The following CILK1 variants were observed in gnomAD, a reference collection of about 807,000 sequenced individuals.
CILK1 encodes the protein ciliogenesis associated kinase 1.
CILK1 carries 47 observed loss-of-function variants against 79.2 expected under a neutral mutation model. The ratio of observed to expected loss-of-function variants is 0.59; its 90% CI spans 0.47 to 0.76. The LOEUF is 0.76. Ranked by LOEUF, CILK1 falls within the 30% of genes least tolerant of loss-of-function variation. The pLI is 0.00. For synonymous variants in CILK1, 266 were observed against 275.9 expected (o/e 0.96, Z 0.36); for missense variants, 660 against 769.5 (o/e 0.86, Z 1.68).
chr6:53,056,619 C>G (rs567885350), intron 1 of CILK1, among the ~76,000 whole-genome samples: 1 of 152,328 alleles, frequency 6.6e-6, no homozygotes, highest in South Asian at 2.1e-4. Context: ...GGGCTACATA[C>G]AAGCTGTGTT....
intron 1 of CILK1, among the ~76,000 whole-genome samples, chr6:53,045,676 T>C (rs971279771): frequency 6.6e-6 from 1 of 151,968 alleles, no homozygotes; most frequent in African/African-American, 2.4e-5. Flanking sequence ...AATGGGTTTA[T>C]AGGGATGTAA....
At chr6:53,037,397 C>T (rs1331232240) in intron 3 of CILK1, among the ~76,000 whole-genome samples, 1 of 152,124 alleles carries the variant, frequency 6.6e-6, no homozygotes, top group Non-Finnish European at 1.5e-5. Context: ...AAAGAAGGAC[C>T]TCAGCAAGGA....
chr6:53,026,896 T>C (rs1307495465), intron 5 of CILK1, among the ~76,000 whole-genome samples: 1 of 152,212 alleles, frequency 6.6e-6, no homozygotes, highest in Non-Finnish European at 1.5e-5. Context: ...GGGATTTTCT[T>C]TCATCCTGGC....
chr6:53,041,055 C>T lies in CILK1; in HGVS notation c.101+81G>A, dbSNP rs1186589991. Reference sequence around the variant, plus strand: ...GGTTCTTCTCTAGGCATCCTACCCACTCCCCTTTAGAACTGTTACAAAGAC... The same window carrying T: ...GGTTCTTCTCTAGGCATCCTACCCATTCCCCTTTAGAACTGTTACAAAGAC... On this transcript the variant is annotated intron_variant, in intron 2 of 13. Transcript: ENST00000676107. 19 of 937,708 alleles carry T rather than the reference C, an allele frequency of 2.0e-5. No homozygotes were observed. In the Admixed American group the frequency reaches 2.5e-4, roughly 13 times the overall value. The allele number at this position is 937,708 out of a possible 1,614,324, so 58.1% of individuals were successfully genotyped here.
In CILK1 at chr6:53,016,259, A is replaced by G. The variant is rs1258856137; in HGVS notation, c.664-9T>C. On this transcript the variant is annotated splice_polypyrimidine_tract_variant and intron_variant, in intron 7 of 13. Coordinates refer to ENST00000676107, the MANE Select transcript of CILK1 (RefSeq NM_014920.5). ...CCTTCAGGCCAGTCAGTCTGAAAGAAGGAAAAGATAGAAAATCTTGCTCAG... is the reference window on the plus strand; with the variant it reads ...CCTTCAGGCCAGTCAGTCTGAAAGAGGGAAAAGATAGAAAATCTTGCTCAG... 1.2e-6 allele frequency: 2 copies of G among 1,613,846 alleles called. No individual in the cohort carries two copies. The highest frequency in any genetic ancestry group is 1.6e-4 in the Middle Eastern group (1 of 6,082).
chr6:53,027,417 G>T (rs1183383352), intron 5 of CILK1, among the ~76,000 whole-genome samples: 1 of 152,190 alleles, frequency 6.6e-6, no homozygotes. Flanking sequence ...GTAGAGCTGT[G>T]TTTTCATTCC....
intron 11 of CILK1, among the ~76,000 whole-genome samples, chr6:53,009,827 G>A (rs147193854): frequency 1.4e-3 from 211 of 152,190 alleles, no homozygotes; most frequent in Non-Finnish European, 2.6e-3. Flanking sequence ...TGCCATCCTG[G>A]GCTTCACTGC....
At chr6:53,014,124 C>A (rs748161535) in intron 8 of CILK1, 142 bp from the exon 9 acceptor site, 4 of 703,530 alleles carry the variant, frequency 5.7e-6, no homozygotes, top group Admixed American at 2.3e-5. Flanking sequence ...ATTTTTAACA[C>A]CCCTTGTGAT....
chr6:53,011,680 C>A (rs1168471898), intron 11 of CILK1, 89 bp downstream of exon 11: 22 of 1,253,908 alleles, frequency 1.8e-5, no homozygotes, highest in Non-Finnish European at 2.5e-5. Context: ...CTAGTATCTG[C>A]CTTCTAAAAC....
chr6:53,021,942 A>G (rs556350950), intron 5 of CILK1, among the ~76,000 whole-genome samples: 1 of 152,244 alleles, frequency 6.6e-6, no homozygotes, highest in Admixed American at 6.5e-5. Context: ...GTGGAGGTGG[A>G]AGGCAATGAT....
rs919392214 is a variant in CILK1 at position 53,013,770 on chromosome 6, C to T, written c.1044G>A (p.Thr348=). The part of the protein sequence containing the change: ...HQASQPPLHL[T]YPYKAEVSRT... ...TGGAGACCTCTGCTTTGTAGGGGTA[C>T]GTGAGATGCAGAGGGGGCTGGCTGG... The change falls in exon 9 of 14, where the codon ACG becomes ACA. Residue 348 remains threonine, a synonymous_variant. Coordinates refer to ENST00000676107, the MANE Select transcript of CILK1 (RefSeq NM_014920.5). 34 of 1,613,778 alleles carry T rather than the reference C, an allele frequency of 2.1e-5. No homozygotes were observed. The highest frequency in any genetic ancestry group is 2.6e-5 in the Non-Finnish European group (31 of 1,179,992).
chr6:53,015,038 T>A (rs908326746), intron 8 of CILK1, among the ~76,000 whole-genome samples: 2 of 152,208 alleles, frequency 1.3e-5, no homozygotes, highest in Non-Finnish European at 2.9e-5. Flanking sequence ...CAAATTGTAG[T>A]TCTTTTTTCC....
At chr6:53,034,733 A>G (rs2127443218) in intron 3 of CILK1, among the ~76,000 whole-genome samples, 1 of 152,318 alleles carries the variant, frequency 6.6e-6, no homozygotes, top group African/African-American at 2.4e-5. Flanking sequence ...ATGGATACAA[A>G]ATACATCTAA....
chr6:53,037,972 G>A lies in CILK1; in HGVS notation c.123C>T (p.Ser41=), dbSNP rs372359846. ...AIKKMKRKFY[S]WEECMNLREV... is the part of the protein sequence containing the mutation. ...CCCGAAGGTTCATGCATTCCTCCCA[G>A]GAATAAAATTTTCTTTTCATTCTAG... Residue 41 remains serine, a synonymous_variant, in exon 3 of 14, where the codon TCC becomes TCT. Transcript: ENST00000676107. 2 of 1,594,184 alleles carry A rather than the reference G, an allele frequency of 1.3e-6. No individual in the cohort carries two copies. Among genetic ancestry groups the A allele is most frequent in the Non-Finnish European group, 1.7e-6 (2 of 1,162,162 alleles).
At position 53,004,181 on chromosome 6, in the gene CILK1, C is replaced by G. The variant is rs1413121169; in HGVS notation, c.*968G>C. The G allele has an allele frequency of 6.6e-6, 1 of 152,606 alleles. No homozygotes were observed. The highest frequency in any genetic ancestry group is 1.5e-5 in the Non-Finnish European group (1 of 68,036). The allele number at this position is 152,606 out of a possible 1,614,324, so 9.5% of individuals were successfully genotyped here. A position where few individuals can be genotyped will look rare whatever the true frequency, so the allele number is the denominator to read the frequency against. On this transcript the variant is annotated 3_prime_UTR_variant, in exon 14 of 14. Coordinates refer to ENST00000676107, the MANE Select transcript of CILK1 (RefSeq NM_014920.5). ...GACAGAACATTAGTCATTGACTGCT[C>G]CTAGCCAGATCTGGAGAACTGAGCT...
At chr6:53,041,645 A>C (rs1581744985) in intron 1 of CILK1, among the ~76,000 whole-genome samples, 1 of 152,280 alleles carries the variant, frequency 6.6e-6, no homozygotes, top group East Asian at 1.9e-4. Context: ...AGGGACAAAA[A>C]CTTGATTCCC....
intron 1 of CILK1, among the ~76,000 whole-genome samples, chr6:53,044,299 T>C (rs961793441): frequency 6.6e-6 from 1 of 152,152 alleles, no homozygotes; most frequent in African/African-American, 2.4e-5. Context: ...AACCCTACTG[T>C]GAACTGCCCA....
intron 8 of CILK1, among the ~76,000 whole-genome samples, chr6:53,014,723 T>A (rs1192345618): frequency 2.0e-5 from 3 of 152,216 alleles, no homozygotes; most frequent in Non-Finnish European, 2.9e-5. Flanking sequence ...AATAGCCTGG[T>A]AGAGGTCCCA....
At chr6:53,052,821 T>G (rs922443447) in intron 1 of CILK1, among the ~76,000 whole-genome samples, 2 of 152,026 alleles carry the variant, frequency 1.3e-5, no homozygotes, top group Admixed American at 1.3e-4. Context: ...TCTAACCACC[T>G]GGGGTCCTTA....
Sources: gnomAD v4.1 joint callset for allele counts (sites outside exome capture counted in the v4.1 genomes callset) on GRCh38, gnomAD v4.1.1 for gene constraint, MANE v1.5 for transcripts, NCBI Gene and HGNC (gene_info 2026-07-23, HGNC 2026-07-21) for gene names.